The following RBFOX2 variants were observed in gnomAD, a reference collection of about 807,000 sequenced individuals.
The protein encoded by RBFOX2 is RNA binding fox-1 homolog 2.
Under a neutral mutation model 49.1 loss-of-function variants are expected in RBFOX2, and 10 were observed. The observed-to-expected ratio is 0.20, with a 90% CI of 0.13 to 0.35. The LOEUF (loss-of-function observed/expected upper bound fraction) is 0.35, where lower values mean the gene tolerates loss of function less well. Among genes scored for constraint, RBFOX2 ranks in the 10% least tolerant of loss-of-function variants. The pLI is 1.00. For synonymous variants in RBFOX2, 183 were observed against 187.4 expected, an observed-to-expected ratio of 0.98 and a Z score of 0.19; for missense variants, 323 against 486.9, an observed-to-expected ratio of 0.66 and a Z score of 3.17.
intron 2 of RBFOX2, among the ~76,000 whole-genome samples, chr22:35,800,609 C>T (rs1347631077): frequency 6.6e-6 from 1 of 152,204 alleles, no homozygotes; most frequent in East Asian, 1.9e-4. Context: ...ATTCTAATTA[C>T]CATTAATACA....
intron 1 of RBFOX2, among the ~76,000 whole-genome samples, chr22:35,978,305 T>C (rs986647900): frequency 6.6e-6 from 1 of 152,228 alleles, no homozygotes; most frequent in African/African-American, 2.4e-5. Flanking sequence ...ACATCATGCA[T>C]GTATATATAC....
intron 2 of RBFOX2, among the ~76,000 whole-genome samples, chr22:35,808,495 A>C (rs1342143562): frequency 5.3e-5 from 8 of 152,328 alleles, no homozygotes; most frequent in Admixed American, 2.0e-4. Context: ...AGAAAAAGAA[A>C]TCTAACGACA....
intron 2 of RBFOX2, among the ~76,000 whole-genome samples, chr22:35,805,289 CAAAAAAAAAAAA>C (rs748086413): frequency 5.3e-5 from 2 of 37,916 alleles, no homozygotes; most frequent in African/African-American, 9.3e-5. Flanking sequence ...GACTCCGTCT[CAAAAAAAAAAAA>C]AAAAAAAAAA....
chr22:35,746,816 G>A, intron 9 of RBFOX2: 3 of 356,118 alleles, frequency 8.4e-6, no homozygotes, highest in Non-Finnish European at 1.5e-5. Flanking sequence ...AAGTTTGGTA[G>A]TACCTGTTAA....
chr22:35,813,782 AG>A (rs1479229524), intron 1 of RBFOX2, among the ~76,000 whole-genome samples: 2 of 152,248 alleles, frequency 1.3e-5, no homozygotes, highest in Non-Finnish European at 2.9e-5. Context: ...AGACTGAGAT[AG>A]AAAGTCAGGT....
intron 1 of RBFOX2, among the ~76,000 whole-genome samples, chr22:35,880,879 A>C (rs1308495914): frequency 6.6e-6 from 1 of 152,180 alleles, no homozygotes; most frequent in African/African-American, 2.4e-5. Context: ...AAAGGACAAA[A>C]ACCATGAGGT....
At chr22:35,994,450 G>C (rs1037200077) in intron 1 of RBFOX2, 1 of 151,046 alleles carries the variant, frequency 6.6e-6, no homozygotes, top group Non-Finnish European at 1.5e-5. Flanking sequence ...GTGTCACTCA[G>C]GCCAGAGTAC....
intron 1 of RBFOX2, among the ~76,000 whole-genome samples, chr22:35,826,539 A>T (rs1272183133): frequency 6.6e-6 from 1 of 152,138 alleles, no homozygotes; most frequent in Non-Finnish European, 1.5e-5. Context: ...TCTTCTTCCT[A>T]AAGATTGCAT....
At chr22:35,946,223 T>A (rs2054261499) in intron 1 of RBFOX2, among the ~76,000 whole-genome samples, 1 of 152,162 alleles carries the variant, frequency 6.6e-6, no homozygotes, top group African/African-American at 2.4e-5. Context: ...ACTAGGTAGG[T>A]ATGAAAGAGA....
At chr22:35,778,552 CG>C (rs895421548) in intron 3 of RBFOX2, among the ~76,000 whole-genome samples, 3 of 151,926 alleles carry the variant, frequency 2.0e-5, no homozygotes, top group African/African-American at 7.3e-5. Context: ...ATCCTATCAT[CG>C]TAATGCTTTA....
intron 1 of RBFOX2, among the ~76,000 whole-genome samples, chr22:35,947,672 T>TAAA (rs559788717): frequency 4.1e-4 from 14 of 34,126 alleles, no homozygotes; most frequent in South Asian, 9.4e-4. Flanking sequence ...GTTTAAAAAG[T>TAAA]AAAAAAAAAA....
At chr22:35,963,606 G>C (rs907164826), upstream of RBFOX2, among the ~76,000 whole-genome samples, 1 of 152,166 alleles carries the variant, frequency 6.6e-6, no homozygotes, top group Non-Finnish European at 1.5e-5. Flanking sequence ...TAAGTGGAAA[G>C]TTGCAAAACA....
intron 1 of RBFOX2, chr22:35,897,999 T>A: frequency 1.4e-6 from 1 of 734,054 alleles, no homozygotes; most frequent in Non-Finnish European, 2.5e-6. Flanking sequence ...AGTTTTTGGT[T>A]TCCCAGTCTC....
At chr22:35,974,991 G>C (rs138434561) in intron 1 of RBFOX2, among the ~76,000 whole-genome samples, 1 of 152,168 alleles carries the variant, frequency 6.6e-6, no homozygotes, top group Non-Finnish European at 1.5e-5. Context: ...CGTAGTAGAC[G>C]GGGCTTCTCA....
chr22:35,965,888 C>T (rs1025783550), upstream of RBFOX2, among the ~76,000 whole-genome samples: 1 of 152,114 alleles, frequency 6.6e-6, no homozygotes, highest in Non-Finnish European at 1.5e-5. Flanking sequence ...TCTACCAAAG[C>T]GATTACATAT....
In RBFOX2 at chr22:35,805,170, G is replaced by A. The variant is rs1371699961; in HGVS notation, c.252+4610C>T. The stretch of plus-strand genomic sequence containing the variant: ...CCGGGCGTGGTGGCGGGCACCTGTA[G>A]TCCCAGCTATGCGGGAGGCTGAGGC... On this transcript the variant is annotated intron_variant, in intron 2 of 11. Coordinates refer to ENST00000405409, the Ensembl canonical transcript of RBFOX2. 2.0e-5 allele frequency among the ~76,000 whole-genome samples: 3 copies of A among 151,566 alleles called. No individual in the cohort carries two copies. In the South Asian group the frequency reaches 6.3e-4, roughly 32 times the overall value.
chr22:35,847,910 A>C (rs1224090809), intron 1 of RBFOX2, among the ~76,000 whole-genome samples: 1 of 152,156 alleles, frequency 6.6e-6, no homozygotes, highest in Non-Finnish European at 1.5e-5. Context: ...GCTGCAAAAG[A>C]CTTTCATCAA....
At chr22:35,740,983 A>C (rs948925402) in exon 12 of RBFOX2, 1 of 152,188 alleles carries the variant, frequency 6.6e-6, no homozygotes, top group Non-Finnish European at 1.5e-5. Context: ...CCTCAGACTA[A>C]AAGTTGTGCC....
chr22:35,833,677 TA>T lies in RBFOX2; in HGVS notation c.27+6514del, dbSNP rs557092491. On this transcript the variant is annotated intron_variant, in intron 1 of 11. Transcript: ENST00000405409. ...AAAATTGACTGGCACAAAGTAGGTATAAAAAAACAAAAACATTTTTATAATG... is the reference window on the plus strand; with the variant it reads ...AAAATTGACTGGCACAAAGTAGGTATAAAAAACAAAAACATTTTTATAATG... Among the ~76,000 whole-genome samples, 13 of 152,238 alleles carry T rather than the reference TA, an allele frequency of 8.5e-5. No homozygotes were observed. The South Asian group carries it at 2.5e-3, about 29-fold the overall frequency.
Sources: allele counts gnomAD v4.1 joint callset (sites outside exome capture counted in the v4.1 genomes callset), GRCh38; gene constraint gnomAD v4.1.1; transcripts MANE v1.5; gene names NCBI Gene and HGNC (gene_info 2026-07-23, HGNC 2026-07-21).